The following TMEM135 variants were observed in gnomAD, a reference collection of about 807,000 sequenced individuals.
TMEM135 encodes peroxisomal membrane protein 52.
A neutral mutation model predicts 60.3 loss-of-function variants in TMEM135; 30 were observed. That is an observed-to-expected ratio of 0.50 (90% CI 0.37 to 0.68). TMEM135 has a LOEUF of 0.68. TMEM135 is among the 30% of genes least tolerant of loss of function. The probability of loss-of-function intolerance (pLI) is 0.00; values close to 1 mark genes in which losing one functional copy is unlikely to be tolerated. For synonymous variants in TMEM135, 190 were observed against 186.7 expected (o/e 1.02, Z -0.14); for missense variants, 468 against 548.8 (o/e 0.85, Z 1.47).
At chr11:87,282,201 G>A (rs1461937430) in intron 6 of TMEM135, among the ~76,000 whole-genome samples, 4 of 152,104 alleles carry the variant, frequency 2.6e-5, no homozygotes, top group African/African-American at 9.7e-5. Flanking sequence ...TACACACTCA[G>A]GCAAATCATG....
chr11:87,289,251 T>C lies in TMEM135; in HGVS notation c.510-6531T>C, dbSNP rs558476457. On this transcript the variant is annotated intron_variant, in intron 6 of 14. Transcript: ENST00000305494. ...ATATATAGTTATTAGATCTGGGTAA[T>C]TGGCATATCTGTAATCTCAAATATT... 1.2e-3 allele frequency among the ~76,000 whole-genome samples: 188 copies of C among 152,202 alleles called. 1 individual carries two copies. The Middle Eastern group carries it at 0.02, about 17-fold the overall frequency.
intron 10 of TMEM135, among the ~76,000 whole-genome samples, chr11:87,310,606 TA>T (rs1026689957): frequency 2.3e-5 from 3 of 131,188 alleles, no homozygotes; most frequent in African/African-American, 2.9e-5. Flanking sequence ...CCCCCGAATC[TA>T]AAAAAAAAGT....
In TMEM135 at chr11:87,326,701, G is replaced by A. The variant is rs10898670; in HGVS notation, c.*5368G>A. On this transcript the variant is annotated 3_prime_UTR_variant, in exon 15 of 15. Coordinates refer to ENST00000305494, the MANE Select transcript of TMEM135 (RefSeq NM_022918.4). ...CTTGAGCTCTCAAGGGAAAAAACAG[G>A]AGTCCTTATTTTTCTATTTATTTCA... 0.45 allele frequency: 203,719 copies of A among 452,160 alleles called. 48,482 individuals carry two copies. Among genetic ancestry groups the A allele is most frequent in the Non-Finnish European group, 0.52 (117,793 of 226,434 alleles). The allele number at this position is 452,160 out of a possible 1,614,324, so 28.0% of individuals were successfully genotyped here.
chr11:87,084,635 A>C (rs970562972), intron 3 of TMEM135, among the ~76,000 whole-genome samples: 1 of 152,192 alleles, frequency 6.6e-6, no homozygotes, highest in African/African-American at 2.4e-5. Context: ...ACACCCCTGG[A>C]GGTGCACAAA....
intron 3 of TMEM135, among the ~76,000 whole-genome samples, chr11:87,080,038 C>T (rs1296641012): frequency 2.6e-5 from 4 of 151,454 alleles, no homozygotes; most frequent in African/African-American, 9.7e-5. Flanking sequence ...GACGGGGTTT[C>T]ACCATATTGG....
At chr11:87,284,888 G>GA (rs1206295495) in intron 6 of TMEM135, among the ~76,000 whole-genome samples, 1 of 152,178 alleles carries the variant, frequency 6.6e-6, no homozygotes, top group Non-Finnish European at 1.5e-5. Context: ...TATGAAGGCT[G>GA]AAACTGAACT....
chr11:87,105,476 T>C (rs562730633), intron 4 of TMEM135, among the ~76,000 whole-genome samples: 1 of 152,244 alleles, frequency 6.6e-6, no homozygotes, highest in East Asian at 1.9e-4. Flanking sequence ...AAAATTGTCT[T>C]TCACGAATCC....
At chr11:87,240,305 C>CTTA (rs1385249453) in intron 6 of TMEM135, among the ~76,000 whole-genome samples, 1 of 151,864 alleles carries the variant, frequency 6.6e-6, no homozygotes, top group Non-Finnish European at 1.5e-5. Flanking sequence ...GTTCAATCAC[C>CTTA]TTATTATTAT....
intron 4 of TMEM135, among the ~76,000 whole-genome samples, chr11:87,140,221 C>G (rs1250135055): frequency 1.3e-5 from 2 of 152,024 alleles, no homozygotes. Context: ...GTGCATGCCA[C>G]CACGCCCGGC....
At chr11:87,272,051 CTTTTTTT>C (rs773654603) in intron 6 of TMEM135, among the ~76,000 whole-genome samples, 90 of 81,162 alleles carry the variant, frequency 1.1e-3, no homozygotes, top group Non-Finnish European at 1.7e-3. Flanking sequence ...TTTTTCTTTT[CTTTTTTT>C]TTTTTTTTTT....
chr11:87,182,309 T>C (rs183484407), intron 5 of TMEM135, among the ~76,000 whole-genome samples: 7 of 152,238 alleles, frequency 4.6e-5, no homozygotes, highest in African/African-American at 1.7e-4. Context: ...TTTGATTGTG[T>C]TTAAGTTATG....
At chr11:87,149,529 C>T (rs1349577497) in intron 4 of TMEM135, among the ~76,000 whole-genome samples, 1 of 152,150 alleles carries the variant, frequency 6.6e-6, no homozygotes, top group East Asian at 1.9e-4. Flanking sequence ...CAACAGATTG[C>T]TATGTATGTT....
intron 4 of TMEM135, among the ~76,000 whole-genome samples, chr11:87,144,750 C>G (rs1033070606): frequency 8.3e-6 from 1 of 120,988 alleles, no homozygotes; most frequent in Non-Finnish European, 1.7e-5. Context: ...TGGCTACTTT[C>G]AAGAGTTTTT....
intron 1 of TMEM135, among the ~76,000 whole-genome samples, chr11:87,066,919 T>A (rs1470205887): frequency 6.6e-6 from 1 of 150,872 alleles, no homozygotes; most frequent in Non-Finnish European, 1.5e-5. Context: ...TAGCTGGGAC[T>A]ACAGGCGCCC....
intron 12 of TMEM135, 102 bp from the exon 13 acceptor site, chr11:87,318,035 A>AT: frequency 1.2e-6 from 1 of 860,750 alleles, no homozygotes; most frequent in South Asian, 1.4e-5. Flanking sequence ...TGAAGGGAGT[A>AT]TTAGGATTCA....
rs1426641765 is a variant in TMEM135 at position 87,297,070 on chromosome 11, A to G, written c.551+1247A>G. Among the ~76,000 whole-genome samples the G allele has an allele frequency of 2.0e-5, 3 of 152,160 alleles. No individual in the cohort carries two copies. In the East Asian group the frequency reaches 5.8e-4, roughly 29 times the overall value. ...TCAGAAAGATTGGTCTGGCCGCAGT[A>G]TTTGAGACACTGAAAAAGAGAGAAC... On this transcript the variant is annotated intron_variant, in intron 7 of 14. Transcript: ENST00000305494.
At chr11:87,318,076 A>G in intron 12 of TMEM135, 61 bp from the exon 13 acceptor site, 2 of 1,318,202 alleles carry the variant, frequency 1.5e-6, no homozygotes, top group Non-Finnish European at 2.2e-6. Context: ...CACAATGCTC[A>G]ACTATGTTTT....
At chr11:87,287,420 T>A (rs1942186597) in intron 6 of TMEM135, among the ~76,000 whole-genome samples, 1 of 152,348 alleles carries the variant, frequency 6.6e-6, no homozygotes, top group South Asian at 2.1e-4. Flanking sequence ...GGCTCAAGCC[T>A]GTAATCCCAG....
chr11:87,298,981 G>T (rs1054383410), intron 7 of TMEM135, among the ~76,000 whole-genome samples: 1 of 151,918 alleles, frequency 6.6e-6, no homozygotes, highest in Non-Finnish European at 1.5e-5. Flanking sequence ...CCAGCGACTT[G>T]AGAGGCTGAG....
Sources: gnomAD v4.1 joint callset for allele counts (sites outside exome capture counted in the v4.1 genomes callset) on GRCh38, gnomAD v4.1.1 for gene constraint, MANE v1.5 for transcripts, NCBI Gene and HGNC (gene_info 2026-07-23, HGNC 2026-07-21) for gene names.